ATP2A3: variants seen among roughly 807,000 people sequenced by gnomAD.
The protein encoded by ATP2A3 is sarcoplasmic/endoplasmic reticulum calcium ATPase 3.
Under a neutral mutation model 106.8 loss-of-function variants are expected in ATP2A3, and 61 were observed. The observed-to-expected ratio is 0.57, with a 90% CI of 0.46 to 0.71. The LOEUF (loss-of-function observed/expected upper bound fraction) is 0.71. ATP2A3 is among the 30% of genes least tolerant of loss of function. The pLI, the probability that ATP2A3 is intolerant of heterozygous loss-of-function variation, is 0.00. For synonymous variants in ATP2A3, 611 were observed against 609.3 expected, an observed-to-expected ratio of 1.00 and a Z score of -0.04; for missense variants, 1,201 against 1,423.5, an observed-to-expected ratio of 0.84 and a Z score of 2.52.
chr17:3,951,528 C>G, intron 4 of ATP2A3, 53 bp downstream of exon 4: 2 of 1,555,296 alleles, frequency 1.3e-6, no homozygotes, highest in Non-Finnish European at 1.7e-6. Context: ...GGAGGGCACT[C>G]CTAGTGGCTG....
chr17:3,960,300 T>C (rs1419396498), intron 1 of ATP2A3, among the ~76,000 whole-genome samples: 1 of 152,232 alleles, frequency 6.6e-6, no homozygotes, highest in Non-Finnish European at 1.5e-5. Context: ...GGCCTGGAAC[T>C]TATTTGAGGG....
intron 1 of ATP2A3, among the ~76,000 whole-genome samples, chr17:3,962,782 T>G (rs933674257): frequency 1.3e-5 from 2 of 152,354 alleles, no homozygotes; most frequent in African/African-American, 4.8e-5. Flanking sequence ...GGCCAAGGGC[T>G]GCGTCTCCAG....
chr17:3,954,980 C>CACACA (rs2054686339), intron 1 of ATP2A3, among the ~76,000 whole-genome samples: 1 of 152,176 alleles, frequency 6.6e-6, no homozygotes, highest in Non-Finnish European at 1.5e-5. Context: ...TGGGCAAGGC[C>CACACA]ACACAGTGAG....
chr17:3,943,574 C>G, intron 10 of ATP2A3, 52 bp from the exon 11 acceptor site: 1 of 1,610,806 alleles, frequency 6.2e-7, no homozygotes, highest in Non-Finnish European at 8.5e-7. Context: ...CTCCAGCCCG[C>G]ATCCCCAGCC....
intron 17 of ATP2A3, 174 bp downstream of exon 17, chr17:3,935,018 C>A (rs2053349084): frequency 2.8e-6 from 2 of 708,492 alleles, no homozygotes; most frequent in Admixed American, 2.2e-5. Context: ...GTGCTGGTGT[C>A]TCTGGGTTTC....
At chr17:3,962,155 C>T (rs555165590) in intron 1 of ATP2A3, among the ~76,000 whole-genome samples, 52 of 152,316 alleles carry the variant, frequency 3.4e-4, no homozygotes, top group Non-Finnish European at 6.2e-4. Flanking sequence ...ACTCCTAGCA[C>T]AGACGCCCAC....
Position 3,943,462 on chromosome 17 carries a change from C to T in ATP2A3, c.1348G>A (p.Glu450Lys), listed in dbSNP as rs2053902095. 6.2e-7 allele frequency: 1 copy of T among 1,614,110 alleles called. No individual in the cohort carries two copies. Among genetic ancestry groups the T allele is most frequent in the Non-Finnish European group, 8.5e-7 (1 of 1,180,008 alleles). Reference protein sequence around the residue: ...ATETALTCLVEKMNVFDTDLQ... With the variant: ...ATETALTCLVKKMNVFDTDLQ... The stretch of plus-strand genomic sequence containing the variant: ...TCGGTGTCGAACACGTTCATCTTCT[C>T]CACCAGGCAAGTCAGAGCTGTCTCC... The change falls in exon 11 of 21, where the codon GAG (glutamate) becomes AAG (lysine). Residue 450 changes from glutamate (E) to lysine (K), a missense_variant. Physicochemically the swap from Glu to Lys is moderately conservative, Grantham distance 56. This residue lies in a region of ATP2A3 where 935 missense variants were observed against 1,176.7 expected (regional missense o/e 0.79). Coordinates refer to ENST00000397041, the MANE Select transcript of ATP2A3 (RefSeq NM_005173.4).
Position 3,953,102 on chromosome 17 carries a change from C to T in ATP2A3, c.219+245G>A, listed in dbSNP as rs745900342. On this transcript the variant is annotated intron_variant, in intron 3 of 20. Transcript: ENST00000397041. The surrounding 1 kb of genome is among the most constrained non-coding windows in gnomAD (Gnocchi z 5.1). ...GGGGGCAGATGTGAGTTGGGGAGCTCGCTGAGAGCCAGAGGATAAGATGGA... is the reference window on the plus strand; with the variant it reads ...GGGGGCAGATGTGAGTTGGGGAGCTTGCTGAGAGCCAGAGGATAAGATGGA... Among the ~76,000 whole-genome samples, 8 of 151,868 alleles carry T rather than the reference C, an allele frequency of 5.3e-5. No individual in the cohort carries two copies. The highest frequency in any genetic ancestry group is 1.0e-4 in the Non-Finnish European group (7 of 67,972).
rs563662754 is a variant in ATP2A3, at chr17:3,928,917, G to A, written c.2863-137C>T. The A allele has an allele frequency of 2.0e-4, 129 of 659,600 alleles. 2 individuals carry two copies. In the Admixed American group the frequency reaches 2.5e-3, roughly 13 times the overall value. The allele number at this position is 659,600 out of a possible 1,614,324, so 40.9% of individuals were successfully genotyped here. A position where few individuals can be genotyped will look rare whatever the true frequency, so the allele number is the denominator to read the frequency against. The stretch of plus-strand genomic sequence containing the variant: ...CTAAGAACCCCCTGGATGCACCCCC[G>A]ATCTTTGTCCACTCAGCTGCACCCC... On this transcript the variant is annotated intron_variant, in intron 19 of 20. Transcript: ENST00000397041. The surrounding 1 kb of genome is among the most constrained non-coding windows in gnomAD (Gnocchi z 6.1).
At chr17:3,954,497 A>AT (rs3048772) in intron 1 of ATP2A3, among the ~76,000 whole-genome samples, 131 of 129,760 alleles carry the variant, frequency 1.0e-3, no homozygotes, top group South Asian at 1.6e-3. Context: ...TGAGGTGCTG[A>AT]TTTTTTTTTT....
chr17:3,935,092 G>A, intron 17 of ATP2A3, 100 bp downstream of exon 17: 12 of 1,234,716 alleles, frequency 9.7e-6, no homozygotes, highest in Non-Finnish European at 1.4e-5. Flanking sequence ...AGTGGGGAAG[G>A]ACACTGCAGG....
chr17:3,951,323 G>A lies in ATP2A3; in HGVS notation c.391C>T (p.Arg131Cys), dbSNP rs2054414633. The change falls in exon 5 of 21, where the codon CGC (arginine) becomes TGC (cysteine). Residue 131 changes from arginine (R) to cysteine (C), a missense_variant. By Grantham distance (180) the Arg-to-Cys change is radical. Coordinates refer to ENST00000397041, the MANE Select transcript of ATP2A3 (RefSeq NM_005173.4). The stretch of plus-strand genomic sequence containing the variant: ...CTCTGCACGCCCTTGCGGTCCGAGC[G>A]GATCACCTTGCCCATCTCAGGCTCA... ...EYEPEMGKVI[R>C]SDRKGVQRIR... 4 of 1,613,846 alleles carry A rather than the reference G, an allele frequency of 2.5e-6. No individual in the cohort carries two copies. Among genetic ancestry groups the A allele is most frequent in the Non-Finnish European group, 2.5e-6 (3 of 1,180,002 alleles).
Position 3,947,828 on chromosome 17 carries a change from C to A in ATP2A3, c.658G>T (p.Val220Leu), listed in dbSNP as rs747440403. The A allele has an allele frequency of 1.3e-6, 2 of 1,598,846 alleles. No individual in the cohort carries two copies. The highest frequency in any genetic ancestry group is 1.3e-5 in the African/African-American group (1 of 74,944). Residue 220 changes from valine to leucine, a missense_variant, in exon 8 of 21, where the codon GTG becomes TTG. By Grantham distance (32) the Val-to-Leu change is conservative (BLOSUM62 1). This residue lies in a region of ATP2A3 where 935 missense variants were observed against 1,176.7 expected (regional missense o/e 0.79). Coordinates refer to ENST00000397041, the MANE Select transcript of ATP2A3 (RefSeq NM_005173.4). This position sits in a 1 kb window ranked among gnomAD's most constrained non-coding sequence, Gnocchi z 7.7. ...AGGCCGGTGGCCACGGCCACACCCA[C>A]CGCTTTGCCCGATGTGATATTGGTG... ...SGTNITSGKA[V>L]GVAVATGLHT...
At position 3,953,446 on chromosome 17, in the gene ATP2A3, T is replaced by C. The variant is rs765822958; in HGVS notation, c.137-17A>G. On this transcript the variant is annotated splice_polypyrimidine_tract_variant and intron_variant, in intron 2 of 20. Coordinates refer to ENST00000397041, the MANE Select transcript of ATP2A3 (RefSeq NM_005173.4). The surrounding 1 kb of genome is among the most constrained non-coding windows in gnomAD (Gnocchi z 5.1). ...GGGACTTCCCTGGGAACGGGGGTCA[T>C]GTGTGAGGCTGGGCCCCCACCACTG... 7.4e-5 allele frequency: 119 copies of C among 1,612,544 alleles called. No homozygotes were observed. The highest frequency in any genetic ancestry group is 9.8e-5 in the Non-Finnish European group (116 of 1,178,998).
intron 12 of ATP2A3, 45 bp downstream of exon 12, chr17:3,942,561 T>C (rs759289838): frequency 4.4e-6 from 7 of 1,598,120 alleles, no homozygotes; most frequent in Non-Finnish European, 5.9e-6. Context: ...ATGACCAGGT[T>C]CCCCAGGGCG....
Position 3,928,452 on chromosome 17 carries a change from G to T in ATP2A3, c.2980+211C>A. On this transcript the variant is annotated intron_variant, in intron 20 of 20. Transcript: ENST00000397041. This position sits in a 1 kb window ranked among gnomAD's most constrained non-coding sequence, Gnocchi z 6.1. ...GAGGTGCTCCCGTTGCTGGCCCAGT[G>T]AGCCCAGGTCCCCTGCAGTGCAAGA... 2 of 1,065,690 alleles carry T rather than the reference G, an allele frequency of 1.9e-6. No homozygotes were observed. The highest frequency in any genetic ancestry group is 2.8e-6 in the Non-Finnish European group (2 of 713,872). The allele number at this position is 1,065,690 out of a possible 1,614,324, so 66.0% of individuals were successfully genotyped here. A position where few individuals can be genotyped will look rare whatever the true frequency, so the allele number is the denominator to read the frequency against.
chr17:3,944,639 C>G (rs1462790098), intron 10 of ATP2A3, 65 bp downstream of exon 10: 1 of 1,544,696 alleles, frequency 6.5e-7, no homozygotes, highest in Non-Finnish European at 8.8e-7. Context: ...AGCTTTGAGG[C>G]TGGGAAAAGG....
Position 3,955,887 on chromosome 17 carries a change from A to AT in ATP2A3, c.119-2178dup, listed in dbSNP as rs67730207. Among the ~76,000 whole-genome samples the AT allele has an allele frequency of 0.21, 29,910 of 143,854 alleles. 3,427 individuals are homozygous for AT. The highest frequency in any genetic ancestry group is 0.27 in the Middle Eastern group (77 of 282). 94.4% of individuals were successfully genotyped at this position (143,854 alleles called of 152,430 possible). On this transcript the variant is annotated intron_variant, in intron 1 of 20. Transcript: ENST00000397041. The surrounding 1 kb of genome is among the most constrained non-coding windows in gnomAD (Gnocchi z 4.2). ...CCTTTCTCTTATTTTATTTTATTTT[A>AT]TTTTTTTTTTTTGAGATGGAGTCTT...
intron 7 of ATP2A3, among the ~76,000 whole-genome samples, chr17:3,948,358 T>A (rs1158107740): frequency 6.6e-6 from 1 of 152,196 alleles, no homozygotes; most frequent in Admixed American, 6.5e-5. Context: ...TGTGGCTTGG[T>A]GTCCTCTTCT....
Sources: gnomAD v4.1 joint callset for allele counts (sites outside exome capture counted in the v4.1 genomes callset) on GRCh38, gnomAD v4.1.1 for gene constraint, gnomAD v4.1.1 regional missense constraint, Gnocchi (gnomAD v3.1) non-coding constraint, MANE v1.5 for transcripts, NCBI Gene and HGNC (gene_info 2026-07-23, HGNC 2026-07-21) for gene names.